GRIN2A: variants seen among roughly 807,000 people sequenced by gnomAD.
GRIN2A encodes the protein glutamate ionotropic receptor NMDA type subunit 2A, also known as glutamate receptor ionotropic, NMDA 2A.
A neutral mutation model predicts 113.4 loss-of-function variants in GRIN2A; 22 were observed. The ratio of observed to expected loss-of-function variants is 0.19; its 90% confidence interval spans 0.14 to 0.28. The LOEUF is 0.28. Among genes scored for constraint, GRIN2A ranks in the 10% least tolerant of loss-of-function variants. GRIN2A has a pLI of 1.00. For synonymous variants in GRIN2A, 827 were observed against 738.4 expected, an observed-to-expected ratio of 1.12 and a Z score of -1.94; for missense variants, 1,502 against 1,887.0, an observed-to-expected ratio of 0.80 and a Z score of 3.78.
chr16:9,991,074 GA>G (rs139177676), intron 2 of GRIN2A, among the ~76,000 whole-genome samples: 23,099 of 150,024 alleles, frequency 0.15, 2,053 homozygotes, highest in East Asian at 0.35. Flanking sequence ...CTCAAAAAAA[GA>G]AAAAAAAAGA....
chr16:9,778,954 A>C (rs1901777350), intron 11 of GRIN2A, among the ~76,000 whole-genome samples: 1 of 152,178 alleles, frequency 6.6e-6, no homozygotes, highest in South Asian at 2.1e-4. Flanking sequence ...AAGCTCAAAG[A>C]TTTATTACTT....
intron 2 of GRIN2A, among the ~76,000 whole-genome samples, chr16:10,175,802 G>C (rs1431474062): frequency 6.6e-6 from 1 of 152,084 alleles, no homozygotes; most frequent in Non-Finnish European, 1.5e-5. Flanking sequence ...ATGGGGAGAA[G>C]TGATGGGGGG....
intron 3 of GRIN2A, among the ~76,000 whole-genome samples, chr16:9,894,795 C>T (rs2043770347): frequency 6.6e-6 from 1 of 152,202 alleles, no homozygotes; most frequent in Non-Finnish European, 1.5e-5. Flanking sequence ...GACAGATCAT[C>T]ACCAAAGGGA....
chr16:9,863,902 T>C (rs2043115621), intron 4 of GRIN2A, among the ~76,000 whole-genome samples: 1 of 152,162 alleles, frequency 6.6e-6, no homozygotes, highest in South Asian at 2.1e-4. Flanking sequence ...CTAGAATGCA[T>C]ATAGGTCTGC....
At chr16:9,945,769 TA>T (rs1205753447) in intron 2 of GRIN2A, among the ~76,000 whole-genome samples, 1 of 152,158 alleles carries the variant, frequency 6.6e-6, no homozygotes, top group Non-Finnish European at 1.5e-5. Flanking sequence ...ATTTCTGGAA[TA>T]AAAAGGAGTC....
At chr16:9,784,594 T>A (rs1902118460) in intron 11 of GRIN2A, among the ~76,000 whole-genome samples, 1 of 151,842 alleles carries the variant, frequency 6.6e-6, no homozygotes, top group African/African-American at 2.4e-5. Context: ...ACAAATGGGA[T>A]CTAATTAAAC....
chr16:9,765,013 T>C, intron 12 of GRIN2A, 65 bp from the exon 13 acceptor site: 1 of 1,604,672 alleles, frequency 6.2e-7, no homozygotes, highest in Middle Eastern at 2.1e-4. Flanking sequence ...CACTTTGCAC[T>C]TGAACTTTAC....
intron 11 of GRIN2A, among the ~76,000 whole-genome samples, chr16:9,781,207 AAAACATG>A (rs1442441151): frequency 6.6e-6 from 1 of 152,216 alleles, no homozygotes; most frequent in Non-Finnish European, 1.5e-5. Flanking sequence ...TTAACCAATC[AAAACATG>A]AAACATGAAA....
intron 2 of GRIN2A, among the ~76,000 whole-genome samples, chr16:10,020,097 G>C (rs1342022847): frequency 6.6e-6 from 1 of 152,092 alleles, no homozygotes; most frequent in African/African-American, 2.4e-5. Context: ...AAAGCTGGAA[G>C]GAAAAAAACA....
chr16:9,892,172 G>A (rs778306114), intron 3 of GRIN2A, among the ~76,000 whole-genome samples: 3 of 152,082 alleles, frequency 2.0e-5, no homozygotes, highest in Non-Finnish European at 2.9e-5. Context: ...CAGAAGTCAC[G>A]GTGAGCCGAG....
chr16:9,843,086 A>G (rs2042711266), intron 5 of GRIN2A, among the ~76,000 whole-genome samples: 1 of 151,984 alleles, frequency 6.6e-6, no homozygotes. Flanking sequence ...GAGAAGAGAG[A>G]AAGAAAGAGA....
chr16:9,997,646 A>G (rs2046249893), intron 2 of GRIN2A, among the ~76,000 whole-genome samples: 1 of 152,100 alleles, frequency 6.6e-6, no homozygotes, highest in Non-Finnish European at 1.5e-5. Flanking sequence ...ATGTGCTAAT[A>G]TGGTCTGGCT....
chr16:9,919,810 C>T (rs1189517453), intron 3 of GRIN2A, among the ~76,000 whole-genome samples: 3 of 152,230 alleles, frequency 2.0e-5, no homozygotes, highest in African/African-American at 7.2e-5. Context: ...GCCGTTCTGA[C>T]CATCATGCTG....
At chr16:10,079,252 A>G (rs958553615) in intron 2 of GRIN2A, among the ~76,000 whole-genome samples, 4 of 152,238 alleles carry the variant, frequency 2.6e-5, no homozygotes, top group Non-Finnish European at 2.9e-5. Flanking sequence ...ATGTCACAGT[A>G]TGATAAAGGC....
intron 2 of GRIN2A, among the ~76,000 whole-genome samples, chr16:10,053,923 A>G (rs1416774030): frequency 4.6e-5 from 7 of 152,180 alleles, no homozygotes; most frequent in Admixed American, 1.3e-4. Flanking sequence ...CTACGTGGAT[A>G]AAGCAGAAAC....
intron 2 of GRIN2A, among the ~76,000 whole-genome samples, chr16:10,007,413 C>A (rs930217371): frequency 3.3e-5 from 5 of 152,052 alleles, no homozygotes; most frequent in South Asian, 2.1e-4. Context: ...ACCTCTTTGC[C>A]ATTTGTATGT....
chr16:9,835,249 C>T (rs555290247), intron 7 of GRIN2A, among the ~76,000 whole-genome samples: 1 of 152,254 alleles, frequency 6.6e-6, no homozygotes, highest in South Asian at 2.1e-4. Flanking sequence ...AAAAGCATCA[C>T]TTAAAGGGTA....
chr16:9,946,265 C>T (rs2045015750), intron 2 of GRIN2A, among the ~76,000 whole-genome samples: 1 of 152,158 alleles, frequency 6.6e-6, no homozygotes, highest in East Asian at 1.9e-4. Context: ...CAAACAGGGT[C>T]ATTAGCAATT....
At chr16:10,089,230 T>C (rs1463132) in intron 2 of GRIN2A, among the ~76,000 whole-genome samples, 106,653 of 152,106 alleles carry the variant, frequency 0.7, 38,536 homozygotes, top group Non-Finnish European at 0.78. Flanking sequence ...CCTACGAAGC[T>C]GATGATCCCC....
Sources: allele counts gnomAD v4.1 joint callset (sites outside exome capture counted in the v4.1 genomes callset), GRCh38; gene constraint gnomAD v4.1.1; transcripts MANE v1.5; gene names NCBI Gene and HGNC (gene_info 2026-07-23, HGNC 2026-07-21).